COL5A1: variants seen among roughly 807,000 people sequenced by gnomAD.
The protein encoded by COL5A1 is collagen alpha-1(V) chain.
COL5A1 carries 16 observed loss-of-function variants against 263.7 expected under a neutral mutation model. The observed-to-expected ratio is 0.06, with a 90% CI of 0.04 to 0.09. The LOEUF is 0.09. Ranked by LOEUF, COL5A1 falls within the 10% of genes least tolerant of loss-of-function variation. COL5A1 has a pLI of 1.00. For synonymous variants in COL5A1, 1,012 were observed against 1,004.5 expected (o/e 1.01, Z -0.14); for missense variants, 2,036 against 2,540.5 (o/e 0.80, Z 4.27).
intron 27 of COL5A1, among the ~76,000 whole-genome samples, chr9:134,775,380 C>T (rs1210199542): frequency 2.0e-5 from 3 of 152,242 alleles, no homozygotes; most frequent in Non-Finnish European, 4.4e-5. Flanking sequence ...CTGTCTCCAC[C>T]GATAGCATCT....
chr9:134,693,878 G>A (rs1024388785), intron 2 of COL5A1, among the ~76,000 whole-genome samples: 2 of 152,152 alleles, frequency 1.3e-5, no homozygotes, highest in Non-Finnish European at 2.9e-5. Context: ...ACACGGTCTC[G>A]CGCCAGCCAC....
intron 48 of COL5A1, 105 bp downstream of exon 48, chr9:134,812,817 C>T (rs975257605): frequency 3.9e-5 from 32 of 826,782 alleles, no homozygotes; most frequent in Middle Eastern, 3.3e-4. Flanking sequence ...CGCATGCACA[C>T]GCTTGTGGGG....
chr9:134,790,569 C>CCCAT (rs1399436342), intron 32 of COL5A1, among the ~76,000 whole-genome samples: 900 of 63,528 alleles, frequency 0.014, 57 homozygotes, highest in African/African-American at 0.066. Context: ...CACCCACCCA[C>CCCAT]CCATCCATCC....
intron 1 of COL5A1, among the ~76,000 whole-genome samples, chr9:134,645,098 C>G (rs2132460857): frequency 6.6e-6 from 1 of 152,298 alleles, no homozygotes; most frequent in Non-Finnish European, 1.5e-5. Flanking sequence ...GGTTGCTACC[C>G]AGGGCTGTGC....
intron 58 of COL5A1, 70 bp downstream of exon 58, chr9:134,820,293 G>T: frequency 1.6e-6 from 2 of 1,234,476 alleles, no homozygotes; most frequent in South Asian, 2.4e-5. Context: ...CAGGCACCCA[G>T]GGGACAGGAG....
In COL5A1 at chr9:134,842,315, C is replaced by T. The variant is rs754839687; in HGVS notation, c.*12C>T. ...GCTTCATGGGCTAGGAGCCGCCGAG[C>T]CCGGGCTCCCGAGAGCAACCTCGTG... On this transcript the variant is annotated 3_prime_UTR_variant, in exon 66 of 66. Transcript: ENST00000371817. This position sits in a 1 kb window ranked among gnomAD's most constrained non-coding sequence, Gnocchi z 5.8. The T allele has an allele frequency of 2.5e-6, 4 of 1,613,750 alleles. No individual in the cohort carries two copies. Among genetic ancestry groups the T allele is most frequent in the Admixed American group, 1.7e-5 (1 of 59,998 alleles).
At chr9:134,744,451 G>T (rs35588599) in intron 11 of COL5A1, among the ~76,000 whole-genome samples, 2 of 149,730 alleles carry the variant, frequency 1.3e-5, no homozygotes, top group Non-Finnish European at 3.0e-5. Context: ...ATGTGTACAC[G>T]CACACACTCA....
At chr9:134,791,803 G>A (rs544915173) in intron 32 of COL5A1, among the ~76,000 whole-genome samples, 5 of 152,174 alleles carry the variant, frequency 3.3e-5, no homozygotes, top group South Asian at 4.2e-4. Flanking sequence ...CACATGCATC[G>A]CGAGTCCTTT....
Position 134,759,306 on chromosome 9 carries a change from A to AC in COL5A1, c.1935+1015dup, listed in dbSNP as rs1415807784. Reference sequence around the variant, plus strand: ...CACACACACGCATACACACCCACACACCCCCACACTCATACACACATGCAC... The same window carrying AC: ...CACACACACGCATACACACCCACACACCCCCCACACTCATACACACATGCAC... On this transcript the variant is annotated intron_variant, in intron 18 of 65. Transcript: ENST00000371817. Among the ~76,000 whole-genome samples the AC allele has an allele frequency of 4.7e-5, 6 of 128,502 alleles. No homozygotes were observed. In the South Asian group the frequency reaches 1.5e-3, roughly 32 times the overall value. The allele number at this position is 128,502 out of a possible 152,430, so 84.3% of individuals were successfully genotyped here. A position where few individuals can be genotyped will look rare whatever the true frequency, so the allele number is the denominator to read the frequency against.
At position 134,819,262 on chromosome 9, in the gene COL5A1, C is replaced by T. The variant is rs142107844; in HGVS notation, c.4446+209C>T. 4.9e-3 allele frequency among the ~76,000 whole-genome samples: 741 copies of T among 152,302 alleles called. 3 individuals carry two copies. The highest frequency in any genetic ancestry group is 0.02 in the Middle Eastern group (6 of 294). ...CCTGCCTCTGGGGGGTCCTGAGCAG[C>T]TCGGGAGATCCCGGAGGCCCCTGCG... On this transcript the variant is annotated intron_variant, in intron 57 of 65. Coordinates refer to ENST00000371817, the MANE Select transcript of COL5A1 (RefSeq NM_000093.5).
Position 134,758,942 on chromosome 9 carries a change from C to T in COL5A1, c.1935+646C>T, listed in dbSNP as rs956477287. ...AGCCCCTCGAATCTTGAATCTGTCT[C>T]AATAGACTGTGGTCTTCTTTCAATA... is the stretch of plus-strand genomic sequence containing the variant. On this transcript the variant is annotated intron_variant, in intron 18 of 65. Transcript: ENST00000371817. This position sits in a 1 kb window ranked among gnomAD's most constrained non-coding sequence, Gnocchi z 4.1. 2.6e-5 allele frequency among the ~76,000 whole-genome samples: 4 copies of T among 152,166 alleles called. No homozygotes were observed. The highest frequency in any genetic ancestry group is 5.9e-5 in the Non-Finnish European group (4 of 68,030).
intron 11 of COL5A1, among the ~76,000 whole-genome samples, chr9:134,739,306 T>C (rs1383366557): frequency 6.6e-6 from 1 of 152,200 alleles, no homozygotes; most frequent in Non-Finnish European, 1.5e-5. Context: ...GCGATTTCCT[T>C]CTGACACCTG....
chr9:134,747,737 A>G (rs931860176), intron 11 of COL5A1, among the ~76,000 whole-genome samples: 4 of 151,816 alleles, frequency 2.6e-5, no homozygotes, highest in African/African-American at 9.7e-5. Context: ...ACATGCACAC[A>G]TGCAAACACA....
At chr9:134,780,275 G>A (rs1837203811) in intron 28 of COL5A1, 129 bp downstream of exon 28, 1 of 890,810 alleles carries the variant, frequency 1.1e-6, no homozygotes, top group Non-Finnish European at 1.9e-6. Context: ...GTACTGAGGG[G>A]GATGGATGCC....
At position 134,682,567 on chromosome 9, in the gene COL5A1, G is replaced by A. The variant is rs138262521; in HGVS notation, c.110-8345G>A. 7.3e-3 allele frequency among the ~76,000 whole-genome samples: 1,119 copies of A among 152,384 alleles called. 5 individuals carry two copies. Among genetic ancestry groups the A allele is most frequent in the South Asian group, 0.023 (109 of 4,834 alleles). ...ACACTGCCTGGTGGGGTGGGGGAGA[G>A]CCTGCTGCCCAGGAAGGGCGCAGGA... On this transcript the variant is annotated intron_variant, in intron 1 of 65. Coordinates refer to ENST00000371817, the MANE Select transcript of COL5A1 (RefSeq NM_000093.5). This position sits in a 1 kb window ranked among gnomAD's most constrained non-coding sequence, Gnocchi z 5.1.
intron 11 of COL5A1, among the ~76,000 whole-genome samples, chr9:134,739,077 C>T (rs1365120331): frequency 6.6e-6 from 1 of 152,226 alleles, no homozygotes. Flanking sequence ...CCTGCAGTTG[C>T]CCAGCAAACG....
chr9:134,825,335 C>G (rs1314243539), intron 62 of COL5A1, among the ~76,000 whole-genome samples: 1 of 152,228 alleles, frequency 6.6e-6, no homozygotes, highest in Non-Finnish European at 1.5e-5. Context: ...TCCTCACCAT[C>G]ATAGCCTCAG....
At chr9:134,669,332 T>A (rs1315604938) in intron 1 of COL5A1, among the ~76,000 whole-genome samples, 1 of 122,190 alleles carries the variant, frequency 8.2e-6, no homozygotes, top group African/African-American at 3.0e-5. Context: ...CCTTCCTTCC[T>A]TCCTTCCTTC....
At chr9:134,650,030 T>C (rs1305455288) in intron 1 of COL5A1, among the ~76,000 whole-genome samples, 3 of 117,404 alleles carry the variant, frequency 2.6e-5, no homozygotes, top group Non-Finnish European at 5.2e-5. Flanking sequence ...CACCAGGGCC[T>C]GTTGGGGGGT....
Sources: allele counts gnomAD v4.1 joint callset (sites outside exome capture counted in the v4.1 genomes callset), GRCh38; gene constraint gnomAD v4.1.1; non-coding constraint Gnocchi (gnomAD v3.1); transcripts MANE v1.5; gene names NCBI Gene and HGNC (gene_info 2026-07-23, HGNC 2026-07-21).